NKAIN3: variants seen among roughly 807,000 people sequenced by gnomAD.
The protein encoded by NKAIN3 is sodium/potassium transporting ATPase interacting 3, also known as sodium/potassium-transporting ATPase subunit beta-1-interacting protein 3.
A neutral mutation model predicts 30.2 loss-of-function variants in NKAIN3; 25 were observed. That is an observed-to-expected ratio of 0.83 (90% CI 0.60 to 1.16). The LOEUF (loss-of-function observed/expected upper bound fraction) is 1.16. NKAIN3 is among the 50% of genes most tolerant of loss of function. NKAIN3 has a pLI of 0.00. For synonymous variants in NKAIN3, 91 were observed against 89.6 expected (o/e 1.02, Z -0.09); for missense variants, 225 against 254.1 (o/e 0.89, Z 0.78).
At chr8:62,876,804 C>A (rs1351919360) in intron 4 of NKAIN3, among the ~76,000 whole-genome samples, 4 of 151,836 alleles carry the variant, frequency 2.6e-5, no homozygotes, top group Non-Finnish European at 4.4e-5. Context: ...TACACCAGGG[C>A]CTATTGAGGG....
intron 1 of NKAIN3, among the ~76,000 whole-genome samples, chr8:62,523,258 G>T (rs1808209767): frequency 6.6e-6 from 1 of 152,130 alleles, no homozygotes; most frequent in African/African-American, 2.4e-5. Flanking sequence ...TAGATGTGCA[G>T]CAGGCTATAC....
At chr8:62,276,154 C>T (rs1250572892) in intron 1 of NKAIN3, among the ~76,000 whole-genome samples, 1 of 152,162 alleles carries the variant, frequency 6.6e-6, no homozygotes, top group African/African-American at 2.4e-5. Context: ...CAACCTCCGC[C>T]TCCTGGGCTC....
At chr8:62,752,204 T>G (rs1339347622) in intron 4 of NKAIN3, among the ~76,000 whole-genome samples, 1 of 152,164 alleles carries the variant, frequency 6.6e-6, no homozygotes, top group Non-Finnish European at 1.5e-5. Context: ...GTTAAGAGAA[T>G]GTCAGTAAAA....
At chr8:62,576,521 A>C (rs776806836) in intron 1 of NKAIN3, among the ~76,000 whole-genome samples, 9 of 152,070 alleles carry the variant, frequency 5.9e-5, no homozygotes, top group South Asian at 2.1e-4. Flanking sequence ...ATTACAATTT[A>C]GTGACTTCCT....
intron 5 of NKAIN3, among the ~76,000 whole-genome samples, chr8:62,993,953 G>A (rs138721458): frequency 3.3e-5 from 5 of 152,106 alleles, no homozygotes; most frequent in African/African-American, 1.2e-4. Context: ...CTAACTTCAG[G>A]TCACTGGTTT....
At chr8:62,559,774 A>G (rs893057293) in intron 1 of NKAIN3, among the ~76,000 whole-genome samples, 1 of 152,068 alleles carries the variant, frequency 6.6e-6, no homozygotes, top group African/African-American at 2.4e-5. Context: ...GGCATTATCA[A>G]TTTTGCTTCC....
At chr8:62,543,660 G>A (rs1180318703) in intron 1 of NKAIN3, among the ~76,000 whole-genome samples, 3 of 152,084 alleles carry the variant, frequency 2.0e-5, no homozygotes, top group Non-Finnish European at 2.9e-5. Flanking sequence ...CCTTTTATCT[G>A]CTTTATATGA....
At chr8:62,613,723 T>G (rs1360215370) in intron 3 of NKAIN3, among the ~76,000 whole-genome samples, 1 of 152,126 alleles carries the variant, frequency 6.6e-6, no homozygotes, top group Non-Finnish European at 1.5e-5. Flanking sequence ...CTTTTTCTCT[T>G]CTGATTGTAT....
At chr8:62,254,622 CTT>C (rs1046561403) in intron 1 of NKAIN3, among the ~76,000 whole-genome samples, 1 of 94,928 alleles carries the variant, frequency 1.1e-5, no homozygotes, top group African/African-American at 3.6e-5. Context: ...CAAATTATAT[CTT>C]TTGATTTTTT....
At chr8:62,828,119 G>T (rs952902929) in intron 4 of NKAIN3, among the ~76,000 whole-genome samples, 1 of 151,962 alleles carries the variant, frequency 6.6e-6, no homozygotes, top group African/African-American at 2.4e-5. Flanking sequence ...GCTATCTATT[G>T]ATATATGCAA....
chr8:62,331,661 A>C (rs749932821), intron 1 of NKAIN3, among the ~76,000 whole-genome samples: 8 of 152,108 alleles, frequency 5.3e-5, no homozygotes, highest in Non-Finnish European at 8.8e-5. Context: ...CTGGTATAGG[A>C]AAATTTTTGA....
At chr8:62,628,301 T>G (rs1163924372) in intron 3 of NKAIN3, among the ~76,000 whole-genome samples, 3 of 152,150 alleles carry the variant, frequency 2.0e-5, no homozygotes, top group Non-Finnish European at 4.4e-5. Flanking sequence ...AATTAAGTGC[T>G]TGTATATGTT....
At chr8:62,574,825 G>A (rs746474379) in intron 1 of NKAIN3, among the ~76,000 whole-genome samples, 7 of 151,774 alleles carry the variant, frequency 4.6e-5, no homozygotes, top group Non-Finnish European at 8.8e-5. Flanking sequence ...TTATATACCC[G>A]TTGGCCATTT....
chr8:62,470,464 G>A (rs1443543373), intron 1 of NKAIN3, among the ~76,000 whole-genome samples: 1 of 151,990 alleles, frequency 6.6e-6, no homozygotes, highest in African/African-American at 2.4e-5. Flanking sequence ...CAATGACAGG[G>A]GCTGAAAGAG....
At chr8:62,455,888 C>T (rs553764567) in intron 1 of NKAIN3, among the ~76,000 whole-genome samples, 1 of 152,206 alleles carries the variant, frequency 6.6e-6, no homozygotes, top group Admixed American at 6.5e-5. Flanking sequence ...GTTCCAAGTC[C>T]CCCAGTGGAT....
At chr8:62,596,249 A>G (rs1390530516) in intron 3 of NKAIN3, among the ~76,000 whole-genome samples, 1 of 151,918 alleles carries the variant, frequency 6.6e-6, no homozygotes, top group Non-Finnish European at 1.5e-5. Context: ...TCTTCTTCTG[A>G]GTACTGGGGC....
chr8:62,865,953 A>G (rs1820401519), intron 4 of NKAIN3, among the ~76,000 whole-genome samples: 1 of 152,042 alleles, frequency 6.6e-6, no homozygotes, highest in African/African-American at 2.4e-5. Context: ...GTCCTTTCAC[A>G]TTGGATTTTT....
At chr8:62,546,769 A>G (rs1373792325) in intron 1 of NKAIN3, among the ~76,000 whole-genome samples, 4 of 152,206 alleles carry the variant, frequency 2.6e-5, no homozygotes, top group Non-Finnish European at 4.4e-5. Flanking sequence ...AATATTGGAA[A>G]GTGTAAGAAA....
chr8:62,434,445 T>A (rs1805108219), intron 1 of NKAIN3, among the ~76,000 whole-genome samples: 1 of 152,102 alleles, frequency 6.6e-6, no homozygotes, highest in African/African-American at 2.4e-5. Flanking sequence ...AGGAGGATCG[T>A]TTTCTTTGAA....
Sources: gnomAD v4.1 joint callset for allele counts (sites outside exome capture counted in the v4.1 genomes callset) on GRCh38, gnomAD v4.1.1 for gene constraint, MANE v1.5 for transcripts, NCBI Gene and HGNC (gene_info 2026-07-23, HGNC 2026-07-21) for gene names.